The following AIG1 variants were observed in gnomAD, a reference collection of about 807,000 sequenced individuals.
The protein encoded by AIG1 is androgen-induced gene 1 protein.
Under a neutral mutation model 31.4 loss-of-function variants are expected in AIG1, and 23 were observed. The ratio of observed to expected loss-of-function variants is 0.73; its 90% CI spans 0.53 to 1.04. The LOEUF is 1.04. AIG1 is among the 50% of genes least tolerant of loss of function. The pLI is 0.00. For missense variants in AIG1, 274 were observed against 295.0 expected (o/e 0.93, Z 0.52); for synonymous variants, 100 against 110.5 (o/e 0.90, Z 0.60).
At chr6:143,158,782 G>A (rs1262659237) in intron 2 of AIG1, among the ~76,000 whole-genome samples, 1 of 152,186 alleles carries the variant, frequency 6.6e-6, no homozygotes, top group African/African-American at 2.4e-5. Context: ...ATTTTAGGTC[G>A]ATAGGAAGAA....
chr6:143,088,892 A>G (rs890367051), intron 1 of AIG1, among the ~76,000 whole-genome samples: 1 of 152,216 alleles, frequency 6.6e-6, no homozygotes, highest in African/African-American at 2.4e-5. Context: ...ATAGTAGAAT[A>G]TAAAATGATA....
intron 1 of AIG1, among the ~76,000 whole-genome samples, chr6:143,084,708 T>C (rs977994441): frequency 5.9e-5 from 9 of 152,210 alleles, no homozygotes; most frequent in African/African-American, 1.9e-4. Context: ...CCTTCCTTAG[T>C]CTCTCCAGAA....
intron 2 of AIG1, among the ~76,000 whole-genome samples, chr6:143,157,329 T>G (rs1030777180): frequency 5.3e-5 from 8 of 152,066 alleles, no homozygotes; most frequent in Admixed American, 2.6e-4. Context: ...GGCCTTGCCT[T>G]CCTTCTCCTT....
At chr6:143,313,420 A>T (rs935810526) in intron 4 of AIG1, among the ~76,000 whole-genome samples, 19 of 152,182 alleles carry the variant, frequency 1.2e-4, no homozygotes, top group African/African-American at 4.6e-4. Flanking sequence ...ATGGAACCTT[A>T]GGTCATTACG....
At chr6:143,213,945 A>T (rs928028199) in intron 3 of AIG1, among the ~76,000 whole-genome samples, 2 of 152,212 alleles carry the variant, frequency 1.3e-5, no homozygotes, top group African/African-American at 4.8e-5. Flanking sequence ...CATATAAATA[A>T]TGCAAGATGG....
chr6:143,260,951 G>T (rs1180921276), intron 3 of AIG1, among the ~76,000 whole-genome samples: 1 of 152,082 alleles, frequency 6.6e-6, no homozygotes, highest in Non-Finnish European at 1.5e-5. Context: ...CAAACAAAAA[G>T]AATGTCTTTC....
chr6:143,216,277 C>T (rs138189324), intron 3 of AIG1, among the ~76,000 whole-genome samples: 4 of 152,212 alleles, frequency 2.6e-5, no homozygotes, highest in African/African-American at 7.2e-5. Context: ...ACCGGATGAT[C>T]GAGGGCTTTT....
At chr6:143,061,099 A>G in intron 1 of AIG1, 33 bp downstream of exon 1, 1 of 1,605,204 alleles carries the variant, frequency 6.2e-7, no homozygotes, top group Non-Finnish European at 8.5e-7. Flanking sequence ...CTCGCCCCGC[A>G]CCCCGTGCCT....
intron 1 of AIG1, 195 bp downstream of exon 1, chr6:143,061,261 C>A (rs753595282): frequency 1.4e-6 from 1 of 732,530 alleles, no homozygotes; most frequent in East Asian, 2.9e-5. Flanking sequence ...ACCTTCTGAA[C>A]CACTCACCGT....
At chr6:143,065,015 A>G (rs778065320) in intron 1 of AIG1, among the ~76,000 whole-genome samples, 28 of 152,230 alleles carry the variant, frequency 1.8e-4, no homozygotes, top group Non-Finnish European at 3.8e-4. Context: ...GGGGGTGACA[A>G]GGTACATGGT....
chr6:143,182,933 G>A (rs1023271414), intron 3 of AIG1, among the ~76,000 whole-genome samples: 2 of 152,098 alleles, frequency 1.3e-5, no homozygotes, highest in African/African-American at 4.8e-5. Flanking sequence ...TTTCTAACTT[G>A]TATTTAACGT....
At chr6:143,149,272 ATC>A (rs1277684779) in intron 2 of AIG1, among the ~76,000 whole-genome samples, 1 of 152,102 alleles carries the variant, frequency 6.6e-6, no homozygotes, top group East Asian at 1.9e-4. Context: ...TACACCTGTA[ATC>A]CCAGCACTTT....
At chr6:143,119,990 C>T (rs1423659161) in intron 1 of AIG1, among the ~76,000 whole-genome samples, 1 of 152,154 alleles carries the variant, frequency 6.6e-6, no homozygotes, top group African/African-American at 2.4e-5. Context: ...AGTGCAATGG[C>T]ATGATCTTGG....
At chr6:143,075,586 A>G (rs1035153498) in intron 1 of AIG1, among the ~76,000 whole-genome samples, 2 of 152,206 alleles carry the variant, frequency 1.3e-5, no homozygotes, top group Non-Finnish European at 2.9e-5. Context: ...GACCACAGGC[A>G]TAAGCCACTG....
Position 143,338,022 on chromosome 6 carries a change from C to G in AIG1, c.680-1617C>G, listed in dbSNP as rs1777635625. The G allele has an allele frequency of 2.5e-6, 1 of 398,588 alleles. No homozygotes were observed. Among genetic ancestry groups the G allele is most frequent in the Admixed American group, 4.4e-5 (1 of 22,722 alleles). 24.7% of individuals were successfully genotyped at this position (398,588 alleles called of 1,614,324 possible). A position where few individuals can be genotyped will look rare whatever the true frequency, so the allele number is the denominator to read the frequency against. On this transcript the variant is annotated intron_variant, in intron 5 of 5. Transcript: ENST00000357847. The surrounding 1 kb of genome is among the most constrained non-coding windows in gnomAD (Gnocchi z 4.3). Reference sequence around the variant, plus strand: ...GGGAAGCCATTTTCCCTCTCTAGGTCAATGAATACCCCCCGTTCTCCACCC... The same window carrying G: ...GGGAAGCCATTTTCCCTCTCTAGGTGAATGAATACCCCCCGTTCTCCACCC...
chr6:143,123,109 C>G (rs937062695), intron 1 of AIG1, among the ~76,000 whole-genome samples: 1 of 152,106 alleles, frequency 6.6e-6, no homozygotes, highest in Non-Finnish European at 1.5e-5. Flanking sequence ...CCTTATGGGG[C>G]CCTCCGCATT....
chr6:143,321,945 G>T (rs1776250009), intron 4 of AIG1, among the ~76,000 whole-genome samples: 1 of 152,110 alleles, frequency 6.6e-6, no homozygotes, highest in Non-Finnish European at 1.5e-5. Flanking sequence ...GTATTCACAG[G>T]TCTGACACCT....
At chr6:143,316,880 G>A (rs533321057) in intron 4 of AIG1, among the ~76,000 whole-genome samples, 22 of 151,810 alleles carry the variant, frequency 1.4e-4, no homozygotes, top group Non-Finnish European at 2.9e-4. Context: ...TATGAATACC[G>A]TTATGCACAC....
intron 3 of AIG1, among the ~76,000 whole-genome samples, chr6:143,167,483 C>T (rs967304647): frequency 6.6e-6 from 1 of 152,166 alleles, no homozygotes; most frequent in African/African-American, 2.4e-5. Context: ...ATTAAAGTCT[C>T]GGCCACTTTG....
Sources: gnomAD v4.1 joint callset for allele counts (sites outside exome capture counted in the v4.1 genomes callset) on GRCh38, gnomAD v4.1.1 for gene constraint, Gnocchi (gnomAD v3.1) non-coding constraint, MANE v1.5 for transcripts, NCBI Gene and HGNC (gene_info 2026-07-23, HGNC 2026-07-21) for gene names.